The following TBCK variants were observed in gnomAD, a reference collection of about 807,000 sequenced individuals.
TBCK encodes the protein TBC domain-containing protein kinase-like protein.
A neutral mutation model predicts 113.4 loss-of-function variants in TBCK; 99 were observed. The observed-to-expected ratio is 0.87, with a 90% confidence interval of 0.74 to 1.03. The LOEUF is 1.03. TBCK is among the 50% of genes least tolerant of loss of function. The pLI, the probability that TBCK is intolerant of heterozygous loss-of-function variation, is 0.00. For missense variants in TBCK, 1,045 were observed against 1,061.3 expected (o/e 0.98, Z 0.21); for synonymous variants, 369 against 370.8 (o/e 1.00, Z 0.05).
intron 5 of TBCK, among the ~76,000 whole-genome samples, chr4:106,256,377 C>T (rs1477783094): frequency 6.6e-6 from 1 of 152,236 alleles, no homozygotes; most frequent in Non-Finnish European, 1.5e-5. Flanking sequence ...CCCTCCCTTG[C>T]TTGTTGGTGT....
rs371774472 is a variant in TBCK at position 106,272,329 on chromosome 4, G to A, written c.267-10117C>T. Among the ~76,000 whole-genome samples the A allele has an allele frequency of 1.2e-4, 19 of 152,012 alleles. No homozygotes were observed. The South Asian group carries it at 2.3e-3, about 18-fold the overall frequency. Reference sequence around the variant, plus strand: ...ATTGGTTTCTTTCCGTGCTACATACGTTTCTTAATGTGTGTATAGCCCCCA... The same window carrying A: ...ATTGGTTTCTTTCCGTGCTACATACATTTCTTAATGTGTGTATAGCCCCCA... On this transcript the variant is annotated intron_variant, in intron 3 of 25. Transcript: ENST00000394708.
chr4:106,134,789 C>T (rs569952695), intron 23 of TBCK, among the ~76,000 whole-genome samples: 1 of 152,210 alleles, frequency 6.6e-6, no homozygotes, highest in South Asian at 2.1e-4. Context: ...TTACCTTGTA[C>T]CTCTCTGAGC....
intron 25 of TBCK, among the ~76,000 whole-genome samples, chr4:106,085,132 A>G (rs2149497738): frequency 1.3e-5 from 2 of 152,322 alleles, no homozygotes; most frequent in East Asian, 3.9e-4. Context: ...AAATGCCCCA[A>G]TTAAAAGACA....
intron 25 of TBCK, among the ~76,000 whole-genome samples, chr4:106,052,616 TTG>T (rs1462136887): frequency 6.6e-6 from 1 of 151,704 alleles, no homozygotes; most frequent in Non-Finnish European, 1.5e-5. Flanking sequence ...TTTTTATAGT[TTG>T]TGTTACATAA....
At chr4:106,264,996 G>C (rs930555306) in intron 3 of TBCK, among the ~76,000 whole-genome samples, 1 of 151,844 alleles carries the variant, frequency 6.6e-6, no homozygotes, top group Non-Finnish European at 1.5e-5. Flanking sequence ...ACTCTTCCCT[G>C]GGAAGTTTTG....
At chr4:106,124,356 T>C (rs1744872707) in intron 23 of TBCK, among the ~76,000 whole-genome samples, 1 of 152,136 alleles carries the variant, frequency 6.6e-6, no homozygotes, top group African/African-American at 2.4e-5. Context: ...AAACAACAGG[T>C]GCTGGAGAGG....
intron 14 of TBCK, among the ~76,000 whole-genome samples, 158 bp from the exon 15 acceptor site, chr4:106,235,525 T>A (rs1332045228): frequency 6.6e-6 from 1 of 152,082 alleles, no homozygotes. Context: ...TACACATAAA[T>A]AAGCAGTAGA....
intron 20 of TBCK, among the ~76,000 whole-genome samples, chr4:106,208,098 G>T (rs1233302845): frequency 6.6e-6 from 1 of 152,162 alleles, no homozygotes; most frequent in Non-Finnish European, 1.5e-5. Flanking sequence ...ATCCCACAAA[G>T]AATTACTTCC....
intron 21 of TBCK, 120 bp from the exon 22 acceptor site, chr4:106,193,890 A>G (rs1342871707): frequency 1.6e-6 from 1 of 618,674 alleles, no homozygotes; most frequent in Non-Finnish European, 2.6e-6. Context: ...CTTCAGAGCT[A>G]ATACTACCAA....
chr4:106,205,396 A>AGAGTAT (rs1755359101), intron 20 of TBCK, among the ~76,000 whole-genome samples: 1 of 152,010 alleles, frequency 6.6e-6, no homozygotes, highest in South Asian at 2.1e-4. Flanking sequence ...TTAGTATAAC[A>AGAGTAT]GAGTATGAGA....
chr4:106,095,595 C>A lies in TBCK; in HGVS notation c.2458G>T (p.Ala820Ser). ...ISGSINIPFSAAFTAEGELTQ... is the reference protein window; with the variant it reads ...ISGSINIPFSSAFTAEGELTQ... ...AGCTCCCCTTCTGCAGTGAAGGCAG[C>A]ACTGAATGGAATGTTGATGCTTCCT... Residue 820 changes from alanine (A) to serine (S), a missense_variant, in exon 25 of 26, where the codon GCT (alanine) becomes TCT (serine). Coordinates refer to ENST00000394708, the MANE Select transcript of TBCK (RefSeq NM_001163435.3). The A allele has an allele frequency of 6.2e-7, 1 of 1,613,954 alleles. No individual in the cohort carries two copies. Among genetic ancestry groups the A allele is most frequent in the South Asian group, 1.1e-5 (1 of 91,056 alleles).
At chr4:106,251,743 T>G in intron 6 of TBCK, 123 bp downstream of exon 6, 1 of 914,104 alleles carries the variant, frequency 1.1e-6, no homozygotes, top group Admixed American at 3.6e-5. Context: ...AATTAAGCCT[T>G]TTCTCCTCAT....
chr4:106,098,088 G>A (rs192690132), intron 24 of TBCK, among the ~76,000 whole-genome samples: 2 of 152,020 alleles, frequency 1.3e-5, no homozygotes, highest in African/African-American at 4.8e-5. Flanking sequence ...CACAAAGGTA[G>A]GGTTAGAGAT....
At chr4:106,099,272 T>A (rs978233655) in intron 24 of TBCK, among the ~76,000 whole-genome samples, 1 of 152,126 alleles carries the variant, frequency 6.6e-6, no homozygotes, top group Non-Finnish European at 1.5e-5. Flanking sequence ...AACCAGCTCA[T>A]GTTTTTTTAC....
chr4:106,264,100 T>A (rs904246620), intron 3 of TBCK, among the ~76,000 whole-genome samples: 5 of 151,982 alleles, frequency 3.3e-5, no homozygotes, highest in Non-Finnish European at 5.9e-5. Context: ...CTTCCCCAAT[T>A]TTCTTCCCAA....
At chr4:106,287,115 C>A (rs1380774813) in intron 3 of TBCK, among the ~76,000 whole-genome samples, 1 of 152,032 alleles carries the variant, frequency 6.6e-6, no homozygotes, top group East Asian at 1.9e-4. Flanking sequence ...TCGGGGTGTT[C>A]TGGAACTTTT....
chr4:106,159,632 A>C (rs548526259), intron 23 of TBCK, among the ~76,000 whole-genome samples: 2 of 152,218 alleles, frequency 1.3e-5, no homozygotes, highest in South Asian at 4.1e-4. Flanking sequence ...ATTTAGAAAG[A>C]CATAAATAAA....
At chr4:106,125,238 G>A (rs1438737156) in intron 23 of TBCK, among the ~76,000 whole-genome samples, 1 of 152,088 alleles carries the variant, frequency 6.6e-6, no homozygotes, top group Non-Finnish European at 1.5e-5. Context: ...ATACCCAAAA[G>A]AAAGGAAATG....
intron 1 of TBCK, among the ~76,000 whole-genome samples, chr4:106,313,519 T>C (rs1038964563): frequency 6.6e-6 from 1 of 152,246 alleles, no homozygotes; most frequent in Admixed American, 6.5e-5. Context: ...AAAATTACCT[T>C]TCACTTGCCT....
Sources: gnomAD v4.1 joint callset for allele counts (sites outside exome capture counted in the v4.1 genomes callset) on GRCh38, gnomAD v4.1.1 for gene constraint, MANE v1.5 for transcripts, NCBI Gene and HGNC (gene_info 2026-07-23, HGNC 2026-07-21) for gene names.